BAZ2B: variants seen among roughly 807,000 people sequenced by gnomAD.
BAZ2B encodes the protein bromodomain adjacent to zinc finger domain 2B.
BAZ2B carries 91 observed loss-of-function variants against 246.0 expected under a neutral mutation model. The ratio of observed to expected loss-of-function variants is 0.37; its 90% confidence interval spans 0.31 to 0.44. The LOEUF (loss-of-function observed/expected upper bound fraction) is 0.44. Among genes scored for constraint, BAZ2B ranks in the 20% least tolerant of loss-of-function variants. The pLI, the probability that BAZ2B is intolerant of heterozygous loss-of-function variation, is 1.00. For missense variants in BAZ2B, 2,332 were observed against 2,533.7 expected, an observed-to-expected ratio of 0.92 and a Z score of 1.71; for synonymous variants, 855 against 860.0, an observed-to-expected ratio of 0.99 and a Z score of 0.10.
intron 22 of BAZ2B, among the ~76,000 whole-genome samples, chr2:159,385,913 A>G (rs3771706): frequency 0.81 from 123,867 of 152,090 alleles, 51,216 homozygotes; most frequent in Middle Eastern, 0.91. Flanking sequence ...TAAGATAAAC[A>G]TGAACTTATT....
chr2:159,350,774 T>C (rs1205351889), intron 27 of BAZ2B, among the ~76,000 whole-genome samples: 1 of 152,228 alleles, frequency 6.6e-6, no homozygotes, highest in Non-Finnish European at 1.5e-5. Flanking sequence ...GGTTTCACCA[T>C]GTTAGCCAGG....
At chr2:159,641,733 T>C in the BAZ2B span, among the ~76,000 whole-genome samples, 2 of 152,206 alleles carry the variant, frequency 1.3e-5, no homozygotes, top group African/African-American at 4.8e-5. Context: ...TTGATTTTTG[T>C]ATATGGTGTA....
At chr2:159,355,121 CAG>C (rs2058963511) in intron 27 of BAZ2B, among the ~76,000 whole-genome samples, 1 of 152,114 alleles carries the variant, frequency 6.6e-6, no homozygotes, top group African/African-American at 2.4e-5. Context: ...CTAAAACTTT[CAG>C]AGAGTTTTTA....
chr2:159,477,370 C>T (rs1463999525), intron 3 of BAZ2B, among the ~76,000 whole-genome samples: 3 of 151,694 alleles, frequency 2.0e-5, no homozygotes, highest in African/African-American at 7.3e-5. Context: ...TACACACATA[C>T]ACACACATAT....
intron 31 of BAZ2B, among the ~76,000 whole-genome samples, chr2:159,345,686 T>C (rs1233753575): frequency 6.6e-6 from 1 of 152,154 alleles, no homozygotes; most frequent in Non-Finnish European, 1.5e-5. Flanking sequence ...GCAAATGAGT[T>C]GGGAAAAAGC....
intron 2 of BAZ2B, among the ~76,000 whole-genome samples, chr2:159,538,060 G>T (rs140553622): frequency 1.3e-4 from 20 of 152,062 alleles, no homozygotes; most frequent in African/African-American, 4.8e-4. Context: ...GCAGTGGCCC[G>T]ATCTTGGCTC....
intron 3 of BAZ2B, among the ~76,000 whole-genome samples, chr2:159,465,575 A>G (rs1485870091): frequency 1.3e-5 from 2 of 152,190 alleles, no homozygotes; most frequent in Non-Finnish European, 2.9e-5. Flanking sequence ...AATACTTGTG[A>G]TCAAACCTTT....
At chr2:159,432,706 T>A in intron 9 of BAZ2B, 51 bp downstream of exon 9, 1 of 1,557,096 alleles carries the variant, frequency 6.4e-7, no homozygotes. Flanking sequence ...TTAAAATGTT[T>A]GGTTCACATA....
rs772462733 is a variant in BAZ2B, at chr2:159,405,317, T to C, written c.2678-203A>G. On this transcript the variant is annotated intron_variant, in intron 14 of 36. Coordinates refer to ENST00000392783, the MANE Select transcript of BAZ2B (RefSeq NM_013450.4). ...ATCTCCGCCTCCCAGGTTCAAGTGA[T>C]TCTCCTGCCTCAGCCTCCCAAGTAG... 4.4e-4 allele frequency among the ~76,000 whole-genome samples: 67 copies of C among 152,120 alleles called. 1 individual carries two copies. The highest frequency in any genetic ancestry group is 7.6e-4 in the Non-Finnish European group (52 of 68,018).
chr2:159,395,287 T>A (rs1169368508), intron 20 of BAZ2B: 2 of 152,522 alleles, frequency 1.3e-5, no homozygotes, highest in East Asian at 3.8e-4. Context: ...AATAAGCTCA[T>A]TCTGATTGTA....
chr2:159,446,078 C>A (rs111482792), intron 6 of BAZ2B, among the ~76,000 whole-genome samples: 1 of 152,052 alleles, frequency 6.6e-6, no homozygotes. Context: ...TCTGCCACTA[C>A]ACTCCAGCCA....
upstream of BAZ2B, among the ~76,000 whole-genome samples, chr2:159,620,807 T>G (rs552334659): frequency 3.2e-4 from 49 of 152,228 alleles, no homozygotes; most frequent in African/African-American, 1.1e-3. Context: ...GTAAAAGGCC[T>G]AAGTACCATG....
chr2:159,589,183 C>A (rs979880764), intron 1 of BAZ2B, among the ~76,000 whole-genome samples: 3 of 152,090 alleles, frequency 2.0e-5, no homozygotes, highest in Non-Finnish European at 2.9e-5. Flanking sequence ...GAATATTAGG[C>A]TTTTTATGGC....
Position 159,439,112 on chromosome 2 carries a change from T to C in BAZ2B, c.797A>G (p.Asp266Gly). ...SSEGISSSDS[D>G]DLEEDEEEED... is the part of the protein sequence containing the mutation. ...TTCTTCTTCATCTTCTTCTAGATCATCTGAATCACTGCTACTAATGCCTTC... is the reference window on the plus strand; with the variant it reads ...TTCTTCTTCATCTTCTTCTAGATCACCTGAATCACTGCTACTAATGCCTTC... The change falls in exon 7 of 37, where the codon GAT (aspartate) becomes GGT (glycine). Residue 266 changes from aspartate to glycine, a missense_variant. Around this residue, in one of 9 missense-constraint regions of BAZ2B, gnomAD observed 161 missense variants for 225.8 expected, o/e 0.71. Coordinates refer to ENST00000392783, the MANE Select transcript of BAZ2B (RefSeq NM_013450.4). The C allele has an allele frequency of 6.2e-7, 1 of 1,613,948 alleles. No homozygotes were observed. The highest frequency in any genetic ancestry group is 1.1e-5 in the South Asian group (1 of 91,080).
At chr2:159,512,397 A>T (rs753766959) in intron 2 of BAZ2B, among the ~76,000 whole-genome samples, 1 of 152,186 alleles carries the variant, frequency 6.6e-6, no homozygotes, top group Non-Finnish European at 1.5e-5. Flanking sequence ...TTCCCTACTG[A>T]AGTTGAACCA....
At chr2:159,583,879 G>C (rs1374694855) in intron 1 of BAZ2B, among the ~76,000 whole-genome samples, 1 of 152,112 alleles carries the variant, frequency 6.6e-6, no homozygotes, top group African/African-American at 2.4e-5. Flanking sequence ...AAGCTATAAG[G>C]TTATTTGAAG....
chr2:159,431,255 A>G (rs1447815657), intron 9 of BAZ2B, 99 bp from the exon 10 acceptor site: 2 of 1,460,530 alleles, frequency 1.4e-6, no homozygotes, highest in African/African-American at 2.8e-5. Context: ...AGCACCTGTG[A>G]ATGAGAACTC....
At chr2:159,503,406 T>A (rs889927347) in intron 2 of BAZ2B, among the ~76,000 whole-genome samples, 1 of 152,174 alleles carries the variant, frequency 6.6e-6, no homozygotes, top group African/African-American at 2.4e-5. Context: ...TTCTCTGCCT[T>A]ACTCCTACAT....
chr2:159,519,917 A>C (rs78397810), intron 2 of BAZ2B, among the ~76,000 whole-genome samples: 14 of 151,476 alleles, frequency 9.2e-5, no homozygotes, highest in Non-Finnish European at 1.6e-4. Context: ...ATCTATGATG[A>C]TGTTTAATCC....
Sources: allele counts gnomAD v4.1 joint callset (sites outside exome capture counted in the v4.1 genomes callset), GRCh38; gene constraint gnomAD v4.1.1; regional missense constraint gnomAD v4.1.1; transcripts MANE v1.5; gene names NCBI Gene and HGNC (gene_info 2026-07-23, HGNC 2026-07-21).